Variants in RANBP3L observed in about 807,000 individuals in gnomAD.
RANBP3L encodes ran-binding protein 3-like.
A neutral mutation model predicts 67.2 loss-of-function variants in RANBP3L; 56 were observed. The ratio of observed to expected loss-of-function variants is 0.83; its 90% CI spans 0.67 to 1.04. The LOEUF is 1.04. Among genes scored for constraint, RANBP3L ranks in the 50% least tolerant of loss-of-function variants. RANBP3L has a pLI of 0.00. For missense variants in RANBP3L, 496 were observed against 535.5 expected (o/e 0.93, Z 0.73); for synonymous variants, 164 against 181.4 (o/e 0.90, Z 0.77).
At chr5:36,273,949 C>T (rs185778670) in intron 1 of RANBP3L, among the ~76,000 whole-genome samples, 1 of 152,306 alleles carries the variant, frequency 6.6e-6, no homozygotes, top group African/African-American at 2.4e-5. Flanking sequence ...CTCTACCAAT[C>T]GCTGAGTTTT....
At chr5:36,279,094 G>T (rs977603580) in intron 1 of RANBP3L, among the ~76,000 whole-genome samples, 1 of 152,096 alleles carries the variant, frequency 6.6e-6, no homozygotes, top group Non-Finnish European at 1.5e-5. Flanking sequence ...ACAAATCATA[G>T]CAGGGGATCT....
At chr5:36,255,694 A>T in intron 10 of RANBP3L, 104 bp from the exon 11 acceptor site, 1 of 643,872 alleles carries the variant, frequency 1.6e-6, no homozygotes. Context: ...TTTTACCAAA[A>T]TAATCTTTGT....
intron 1 of RANBP3L, among the ~76,000 whole-genome samples, chr5:36,298,766 G>A (rs1752411574): frequency 6.6e-6 from 1 of 152,204 alleles, no homozygotes; most frequent in Non-Finnish European, 1.5e-5. Context: ...TGAGACTTGG[G>A]TGTGGAAGAA....
chr5:36,260,472 C>A (rs1430234750), intron 8 of RANBP3L, among the ~76,000 whole-genome samples: 2 of 151,610 alleles, frequency 1.3e-5, no homozygotes, highest in East Asian at 3.9e-4. Context: ...GCTTATCTAA[C>A]TATTGCAGAT....
At chr5:36,251,254 G>C in intron 13 of RANBP3L, 59 bp downstream of exon 13, 1 of 1,402,914 alleles carries the variant, frequency 7.1e-7, no homozygotes, top group South Asian at 1.3e-5. Context: ...TAATATATTA[G>C]GATCGTGCTT....
At chr5:36,259,234 A>G (rs1228996805) in intron 8 of RANBP3L, among the ~76,000 whole-genome samples, 2 of 151,698 alleles carry the variant, frequency 1.3e-5, no homozygotes. Context: ...GAATGACAGA[A>G]GGGTTCCTAA....
At position 36,255,692 on chromosome 5, in the gene RANBP3L, A is replaced by G. The variant is rs116392072; in HGVS notation, c.904-102T>C. 804 of 653,538 alleles carry G rather than the reference A, an allele frequency of 1.2e-3. 6 individuals are homozygous for G. In the African/African-American group the frequency reaches 0.014, roughly 11 times the overall value. The allele number at this position is 653,538 out of a possible 1,614,324, so 40.5% of individuals were successfully genotyped here. A position where few individuals can be genotyped will look rare whatever the true frequency, so the allele number is the denominator to read the frequency against. Reference sequence around the variant, plus strand: ...TTTATATGTGTCTAGTCTTTTACCAAAATAATCTTTGTTAATGATTTATAA... The same window carrying G: ...TTTATATGTGTCTAGTCTTTTACCAGAATAATCTTTGTTAATGATTTATAA... On this transcript the variant is annotated intron_variant, in intron 10 of 13. Transcript: ENST00000296604.
rs1364479289 is a variant in RANBP3L, at chr5:36,257,489, G to A, written c.737C>T (p.Ser246Phe). ...AAAGTTGACAGGAAATTTCGGAATGGATTTGAATGGTTTTTCCTTGGCATA... is the reference window on the plus strand; with the variant it reads ...AAAGTTGACAGGAAATTTCGGAATGAATTTGAATGGTTTTTCCTTGGCATA... ...DSYAKEKPFK[S>F]IPKFPVNFLS... The change falls in exon 9 of 14, where the codon TCC (serine) becomes TTC (phenylalanine). Residue 246 changes from serine to phenylalanine, a missense_variant. Ser to Phe is a radical substitution (Grantham distance 155). Transcript: ENST00000296604. 6 of 1,596,020 alleles carry A rather than the reference G, an allele frequency of 3.8e-6. No individual in the cohort carries two copies. The highest frequency in any genetic ancestry group is 1.7e-5 in the Admixed American group (1 of 59,224).
chr5:36,268,528 G>C (rs1229443025), intron 4 of RANBP3L, among the ~76,000 whole-genome samples: 1 of 152,022 alleles, frequency 6.6e-6, no homozygotes, highest in African/African-American at 2.4e-5. Flanking sequence ...ACTCACAGTG[G>C]AGGAAAAATA....
At chr5:36,287,827 C>A (rs906964427) in intron 1 of RANBP3L, among the ~76,000 whole-genome samples, 2 of 152,168 alleles carry the variant, frequency 1.3e-5, no homozygotes, top group African/African-American at 4.8e-5. Flanking sequence ...TTAAAGCTGA[C>A]TAAAGTTATA....
chr5:36,291,218 C>T (rs993986237), intron 1 of RANBP3L, among the ~76,000 whole-genome samples: 9 of 152,072 alleles, frequency 5.9e-5, no homozygotes, highest in African/African-American at 1.4e-4. Context: ...ATCCTCAATC[C>T]TTTCTGCCCC....
intron 7 of RANBP3L, among the ~76,000 whole-genome samples, chr5:36,261,287 A>C (rs910601865): frequency 1.3e-5 from 2 of 152,168 alleles, no homozygotes; most frequent in South Asian, 4.2e-4. Flanking sequence ...ATTGGCTTAA[A>C]TTTTTTGCCT....
intron 1 of RANBP3L, among the ~76,000 whole-genome samples, chr5:36,275,868 G>A (rs955788819): frequency 6.6e-6 from 1 of 152,028 alleles, no homozygotes; most frequent in Non-Finnish European, 1.5e-5. Flanking sequence ...GAGGGGACAA[G>A]GATGAGTCTC....
At position 36,301,257 on chromosome 5, in the gene RANBP3L, C is replaced by T. The variant is rs1359031633; in HGVS notation, c.91+69G>A. On this transcript the variant is annotated intron_variant, in intron 1 of 13. Coordinates refer to ENST00000296604, the MANE Select transcript of RANBP3L (RefSeq NM_145000.5). ...CTTCCCCGGGTCCTTCACCAGCCCA[C>T]CATTCTTCCTGGAATGCAAATGCAC... The T allele has an allele frequency of 8.4e-6, 10 of 1,187,588 alleles. No individual in the cohort carries two copies. The African/African-American group carries it at 1.0e-4, about 12-fold the overall frequency. The allele number at this position is 1,187,588 out of a possible 1,614,324, so 73.6% of individuals were successfully genotyped here.
chr5:36,258,013 A>C (rs1308103776), intron 8 of RANBP3L, among the ~76,000 whole-genome samples: 2 of 152,212 alleles, frequency 1.3e-5, no homozygotes, highest in African/African-American at 2.4e-5. Context: ...GTATATAGTA[A>C]TAGAAACATA....
intron 1 of RANBP3L, among the ~76,000 whole-genome samples, chr5:36,273,463 ACTAGGGAC>A (rs1750365189): frequency 6.6e-6 from 1 of 152,212 alleles, no homozygotes; most frequent in African/African-American, 2.4e-5. Flanking sequence ...TGTGCTGGGA[ACTAGGGAC>A]ACATGGTCTA....
intron 7 of RANBP3L, among the ~76,000 whole-genome samples, chr5:36,261,325 G>A (rs1356831988): frequency 6.6e-6 from 1 of 152,042 alleles, no homozygotes; most frequent in Non-Finnish European, 1.5e-5. Flanking sequence ...AATGTTAAAA[G>A]TGTTTTTCAT....
At chr5:36,267,406 G>A (rs1038445864) in intron 4 of RANBP3L, among the ~76,000 whole-genome samples, 3 of 152,010 alleles carry the variant, frequency 2.0e-5, no homozygotes, top group African/African-American at 4.8e-5. Context: ...TACTTGGAAG[G>A]CTGAGGCAGG....
intron 1 of RANBP3L, among the ~76,000 whole-genome samples, chr5:36,298,835 T>C (rs1752415432): frequency 6.6e-6 from 1 of 152,190 alleles, no homozygotes; most frequent in South Asian, 2.1e-4. Flanking sequence ...AAGACCAGTC[T>C]TGTGGGTATT....
Sources: allele counts gnomAD v4.1 joint callset (sites outside exome capture counted in the v4.1 genomes callset), GRCh38; gene constraint gnomAD v4.1.1; transcripts MANE v1.5; gene names NCBI Gene and HGNC (gene_info 2026-07-23, HGNC 2026-07-21).